The following GPBP1 variants were observed in gnomAD, a reference collection of about 807,000 sequenced individuals.
GPBP1 encodes GC-rich promoter binding protein 1, also known as vasculin.
GPBP1 carries 13 observed loss-of-function variants against 56.5 expected under a neutral mutation model. The observed-to-expected ratio is 0.23, with a 90% CI of 0.15 to 0.37. GPBP1 has a LOEUF of 0.37. GPBP1 is among the 10% of genes least tolerant of loss of function. The probability of loss-of-function intolerance (pLI) is 1.00; values close to 1 mark genes in which losing one functional copy is unlikely to be tolerated. For synonymous variants in GPBP1, 204 were observed against 188.9 expected (o/e 1.08, Z -0.66); for missense variants, 477 against 572.3 (o/e 0.83, Z 1.70).
intron 2 of GPBP1, among the ~76,000 whole-genome samples, chr5:57,183,996 C>G (rs1227803284): frequency 6.6e-6 from 1 of 152,050 alleles, no homozygotes; most frequent in African/African-American, 2.4e-5. Flanking sequence ...TTTTGGTAGG[C>G]TGAGGCTGGT....
chr5:57,256,210 GCACCACTGAA>G (rs1283055952), intron 10 of GPBP1, among the ~76,000 whole-genome samples: 21 of 152,084 alleles, frequency 1.4e-4, no homozygotes, highest in African/African-American at 4.8e-4. Flanking sequence ...AGCTGAGATC[GCACCACTGAA>G]CTCTAGCCTG....
intron 3 of GPBP1, among the ~76,000 whole-genome samples, chr5:57,226,842 C>G (rs1198483719): frequency 6.8e-6 from 1 of 146,338 alleles, no homozygotes; most frequent in Non-Finnish European, 1.5e-5. Context: ...TGAGTTCATG[C>G]CATTCTCCTG....
In GPBP1 at chr5:57,192,769, A is replaced by AAG. The variant is rs1373823675; in HGVS notation, c.-58+16370_-58+16371insGA. On this transcript the variant is annotated intron_variant, in intron 2 of 11. Transcript: ENST00000506184. ...ACTCCGTCTCAAAAAAAAAAAAAAA[A>AAG]AAAAATTAGGAGTTACTTACATGTC... is the stretch of plus-strand genomic sequence containing the variant. Among the ~76,000 whole-genome samples, 951 of 151,630 alleles carry AAG rather than the reference A, an allele frequency of 6.3e-3. 7 individuals are homozygous for AAG. The highest frequency in any genetic ancestry group is 0.011 in the Non-Finnish European group (728 of 67,872).
At chr5:57,191,089 TTTTTC>T (rs770969631) in intron 2 of GPBP1, among the ~76,000 whole-genome samples, 1 of 151,650 alleles carries the variant, frequency 6.6e-6, no homozygotes, top group Non-Finnish European at 1.5e-5. Context: ...CTTAGCTGTT[TTTTTC>T]TTTTCTTTTT....
intron 10 of GPBP1, among the ~76,000 whole-genome samples, chr5:57,255,185 C>T (rs1329214519): frequency 6.7e-6 from 1 of 149,584 alleles, no homozygotes; most frequent in Non-Finnish European, 1.5e-5. Flanking sequence ...TGTTCACGTC[C>T]TCTCTCTCTT....
rs757452856 is a variant in GPBP1 at position 57,262,692 on chromosome 5, A to G, written c.1362A>G (p.Thr454=). Residue 454 remains threonine, a synonymous_variant, in exon 12 of 12, where the codon ACA becomes ACG. Coordinates refer to ENST00000506184, the MANE Select transcript of GPBP1 (RefSeq NM_022913.4). ...GGAAGAACAGCACTTTCAAACCCAC[A>G]ACTGAGAATGATGACACAGAGACAA... ...GPWKNSTFKP[T]TENDDTETSS... 1 of 1,613,920 alleles carries G rather than the reference A, an allele frequency of 6.2e-7. No individual in the cohort carries two copies. The highest frequency in any genetic ancestry group is 1.1e-5 in the South Asian group (1 of 91,070).
chr5:57,230,953 T>C lies in GPBP1; in HGVS notation c.171T>C (p.Ile57=), dbSNP rs1228189953. ...CTTCAGATGGCTTTGATTCTGCTAT[T>C]GGGCGTCCTAATGGAGGTAAAATTT... is the stretch of plus-strand genomic sequence containing the variant. The part of the protein sequence containing the change: ...HNSSDGFDSA[I]GRPNGGNFGR... The change falls in exon 4 of 12, where the codon ATT becomes ATC. Residue 57 remains isoleucine (I), a synonymous_variant. Coordinates refer to ENST00000506184, the MANE Select transcript of GPBP1 (RefSeq NM_022913.4). 1.2e-6 allele frequency: 2 copies of C among 1,610,174 alleles called. No homozygotes were observed. The highest frequency in any genetic ancestry group is 1.7e-6 in the Non-Finnish European group (2 of 1,178,612).
intron 5 of GPBP1, among the ~76,000 whole-genome samples, chr5:57,235,532 A>T (rs1756626321): frequency 6.6e-6 from 1 of 152,016 alleles, no homozygotes. Flanking sequence ...TTAGTTATGG[A>T]TAAGGAAACT....
intron 2 of GPBP1, among the ~76,000 whole-genome samples, chr5:57,197,651 G>A (rs1056775136): frequency 2.6e-5 from 4 of 151,812 alleles, no homozygotes; most frequent in African/African-American, 9.7e-5. Flanking sequence ...GAGCCATTGC[G>A]CCTGGCCTGC....
chr5:57,179,770 T>C (rs990072291), intron 2 of GPBP1, among the ~76,000 whole-genome samples: 5 of 152,110 alleles, frequency 3.3e-5, no homozygotes, highest in African/African-American at 9.7e-5. Flanking sequence ...CTGGCTAATA[T>C]TGTATTTTTA....
intron 2 of GPBP1, among the ~76,000 whole-genome samples, chr5:57,185,419 C>T (rs1289851692): frequency 1.3e-5 from 2 of 152,004 alleles, no homozygotes; most frequent in East Asian, 1.9e-4. Flanking sequence ...TGCCACAATG[C>T]CCGGCTAATT....
chr5:57,249,573 G>A lies in GPBP1; in HGVS notation c.969G>A (p.Glu323=). The A allele has an allele frequency of 1.3e-6, 2 of 1,599,332 alleles. No individual in the cohort carries two copies. The highest frequency in any genetic ancestry group is 1.7e-6 in the Non-Finnish European group (2 of 1,175,136). The change falls in exon 9 of 12, where the codon GAG becomes GAA. Residue 323 remains glutamate (E), a synonymous_variant. Coordinates refer to ENST00000506184, the MANE Select transcript of GPBP1 (RefSeq NM_022913.4). ...AAGATGAAAGCCGTGCTGGCTCAGA[G>A]AAGGTAATTGAATTTATAGCAATAC... The part of the protein sequence containing the change: ...EHEDESRAGS[E]KDDDSFNLHN...
At chr5:57,188,636 G>A (rs1754391464) in intron 2 of GPBP1, among the ~76,000 whole-genome samples, 1 of 152,038 alleles carries the variant, frequency 6.6e-6, no homozygotes, top group Non-Finnish European at 1.5e-5. Flanking sequence ...CCAGCTACTC[G>A]GGAGGCTGAG....
At chr5:57,231,584 C>G (rs1477057727) in intron 5 of GPBP1, among the ~76,000 whole-genome samples, 2 of 152,204 alleles carry the variant, frequency 1.3e-5, no homozygotes, top group Admixed American at 1.3e-4. Context: ...CCACTGTACA[C>G]TGAGCTACTG....
intron 3 of GPBP1, among the ~76,000 whole-genome samples, chr5:57,223,207 C>T (rs929304267): frequency 2.6e-5 from 4 of 152,006 alleles, no homozygotes; most frequent in Non-Finnish European, 5.9e-5. Flanking sequence ...CTCCTGGCCT[C>T]GGCTTCCTGA....
At chr5:57,178,675 C>T (rs898768526) in intron 2 of GPBP1, among the ~76,000 whole-genome samples, 5 of 152,214 alleles carry the variant, frequency 3.3e-5, no homozygotes, top group Non-Finnish European at 7.4e-5. Flanking sequence ...CATTTGTCAA[C>T]TTTGCGTACA....
chr5:57,181,434 CAAA>C (rs11417693), intron 2 of GPBP1, among the ~76,000 whole-genome samples: 9 of 131,912 alleles, frequency 6.8e-5, no homozygotes, highest in African/African-American at 5.8e-5. Flanking sequence ...AAGACTGTGT[CAAA>C]AAAAAAAAAA....
intron 6 of GPBP1, chr5:57,237,293 T>C: frequency 1.3e-6 from 1 of 757,848 alleles, no homozygotes; most frequent in Non-Finnish European, 2.3e-6. Flanking sequence ...TTGATTAGAA[T>C]GAAAGTTTTA....
At chr5:57,247,003 A>G (rs554888167) in intron 7 of GPBP1, 72 bp from the exon 8 acceptor site, 18 of 1,390,888 alleles carry the variant, frequency 1.3e-5, no homozygotes, top group Non-Finnish European at 1.8e-5. Context: ...TTGTTTTATA[A>G]TATTCACTGT....
Sources: gnomAD v4.1 joint callset for allele counts (sites outside exome capture counted in the v4.1 genomes callset) on GRCh38, gnomAD v4.1.1 for gene constraint, MANE v1.5 for transcripts, NCBI Gene and HGNC (gene_info 2026-07-23, HGNC 2026-07-21) for gene names.